The following B3GNT2 variants were observed in gnomAD, a reference collection of about 807,000 sequenced individuals.
The protein encoded by B3GNT2 is N-acetyllactosaminide beta-1,3-N-acetylglucosaminyltransferase 2.
B3GNT2 carries 12 observed loss-of-function variants against 27.6 expected under a neutral mutation model. The observed-to-expected ratio is 0.44, with a 90% CI of 0.28 to 0.71. The LOEUF is 0.71. Among genes scored for constraint, B3GNT2 ranks in the 30% least tolerant of loss-of-function variants. The pLI, the probability that B3GNT2 is intolerant of heterozygous loss-of-function variation, is 0.17. For missense variants in B3GNT2, 413 were observed against 488.5 expected (o/e 0.85, Z 1.46); for synonymous variants, 192 against 189.7 (o/e 1.01, Z -0.10).
intron 1 of B3GNT2, among the ~76,000 whole-genome samples, chr2:62,212,218 G>A (rs957843576): frequency 6.6e-6 from 1 of 152,154 alleles, no homozygotes; most frequent in East Asian, 1.9e-4. Context: ...GCATGCGCAT[G>A]CTTTTCCTGC....
chr2:62,218,953 T>G (rs1674629223), intron 1 of B3GNT2, among the ~76,000 whole-genome samples: 1 of 152,206 alleles, frequency 6.6e-6, no homozygotes, highest in African/African-American at 2.4e-5. Flanking sequence ...GCAGATGAAG[T>G]TGGAAATCTT....
At chr2:62,213,588 T>G (rs72893865) in intron 1 of B3GNT2, among the ~76,000 whole-genome samples, 41 of 152,234 alleles carry the variant, frequency 2.7e-4, no homozygotes, top group African/African-American at 8.7e-4. Flanking sequence ...GGTCTGGGGC[T>G]GACTGTGGGA....
chr2:62,196,571 C>T (rs1270871950), intron 1 of B3GNT2, among the ~76,000 whole-genome samples: 1 of 152,250 alleles, frequency 6.6e-6, no homozygotes, highest in Non-Finnish European at 1.5e-5. Context: ...TTAAGCCTCC[C>T]TTACCTTCCC....
At chr2:62,208,645 G>A (rs1021304823) in intron 1 of B3GNT2, among the ~76,000 whole-genome samples, 3 of 152,042 alleles carry the variant, frequency 2.0e-5, no homozygotes, top group Non-Finnish European at 4.4e-5. Context: ...TGGGGAGGGG[G>A]GTGTGTGTGA....
At chr2:62,196,590 A>G (rs938628373) in intron 1 of B3GNT2, among the ~76,000 whole-genome samples, 4 of 152,154 alleles carry the variant, frequency 2.6e-5, no homozygotes, top group Non-Finnish European at 4.4e-5. Flanking sequence ...CCGCCGTCCC[A>G]GCCACCCAAC....
chr2:62,198,483 C>T (rs1043344391), intron 1 of B3GNT2, among the ~76,000 whole-genome samples: 1 of 152,214 alleles, frequency 6.6e-6, no homozygotes, highest in Non-Finnish European at 1.5e-5. Context: ...AACAGTAACC[C>T]TGTGGTAGCC....
At chr2:62,213,684 C>T (rs1463404192) in intron 1 of B3GNT2, among the ~76,000 whole-genome samples, 1 of 152,192 alleles carries the variant, frequency 6.6e-6, no homozygotes, top group African/African-American at 2.4e-5. Context: ...GTCAGCACTG[C>T]TGAAATTCTT....
At chr2:62,215,346 C>T (rs913338039) in intron 1 of B3GNT2, among the ~76,000 whole-genome samples, 6 of 152,156 alleles carry the variant, frequency 3.9e-5, no homozygotes, top group Admixed American at 6.5e-5. Flanking sequence ...TGAGGGAGTC[C>T]AGGGAGTCCT....
At chr2:62,216,239 T>C (rs749881531) in intron 1 of B3GNT2, among the ~76,000 whole-genome samples, 3 of 152,080 alleles carry the variant, frequency 2.0e-5, no homozygotes, top group South Asian at 4.2e-4. Context: ...GAGTGAAACG[T>C]TGGAATTGTT....
intron 1 of B3GNT2, among the ~76,000 whole-genome samples, chr2:62,220,970 C>T (rs1674679891): frequency 6.6e-6 from 1 of 152,070 alleles, no homozygotes; most frequent in East Asian, 1.9e-4. Flanking sequence ...TTGTATTTCC[C>T]TTTTTGCTAC....
At chr2:62,212,683 C>T (rs557377593) in intron 1 of B3GNT2, among the ~76,000 whole-genome samples, 1 of 151,970 alleles carries the variant, frequency 6.6e-6, no homozygotes, top group East Asian at 1.9e-4. Flanking sequence ...GCCATCTATA[C>T]TTTCTTCAAC....
chr2:62,221,411 TC>T (rs1327990220), intron 1 of B3GNT2, among the ~76,000 whole-genome samples: 2 of 152,198 alleles, frequency 1.3e-5, no homozygotes, highest in African/African-American at 4.8e-5. Flanking sequence ...GTCTCCTGCT[TC>T]CTAGCCCTGC....
intron 1 of B3GNT2, among the ~76,000 whole-genome samples, chr2:62,202,115 G>C (rs147048867): frequency 6.6e-6 from 1 of 152,222 alleles, no homozygotes; most frequent in South Asian, 2.1e-4. Context: ...GACCAAACAC[G>C]CATTGATTGA....
chr2:62,222,999 A>C lies in B3GNT2; in HGVS notation c.779A>C (p.Asn260Thr). 1.2e-6 allele frequency: 2 copies of C among 1,614,244 alleles called. No individual in the cohort carries two copies. The highest frequency in any genetic ancestry group is 1.7e-6 in the Non-Finnish European group (2 of 1,180,038). The part of the protein sequence containing the change: ...VNTHHILNYL[N>T]SLSKTKAKDL... ...ACCCATCACATCCTGAATTACTTGA[A>C]TAGTTTATCCAAGACCAAAGCCAAA... is the stretch of plus-strand genomic sequence containing the variant. The change falls in exon 2 of 2, where the codon AAT becomes ACT. Residue 260 changes from asparagine to threonine, a missense_variant. Coordinates refer to ENST00000301998, the MANE Select transcript of B3GNT2 (RefSeq NM_006577.6). This position sits in a 1 kb window ranked among gnomAD's most constrained non-coding sequence, Gnocchi z 4.2.
intron 1 of B3GNT2, among the ~76,000 whole-genome samples, chr2:62,212,235 A>G (rs989323323): frequency 2.6e-5 from 4 of 152,042 alleles, no homozygotes; most frequent in Non-Finnish European, 4.4e-5. Context: ...CTGCACTCCT[A>G]TATTCCTGCA....
At position 62,222,393 on chromosome 2, in the gene B3GNT2, A is replaced by G; in HGVS notation, c.173A>G (p.Tyr58Cys). ...FWKISTPPEA[Y>C]WNREQEKLNR... is the part of the protein sequence containing the mutation. Reference sequence around the variant, plus strand: ...AAGATATCTACCCCTCCCGAGGCATACTGGAACCGAGAGCAAGAGAAGCTG... The same window carrying G: ...AAGATATCTACCCCTCCCGAGGCATGCTGGAACCGAGAGCAAGAGAAGCTG... The change falls in exon 2 of 2, where the codon TAC becomes TGC. Residue 58 changes from tyrosine (Y) to cysteine (C), a missense_variant. By Grantham distance (194) the Tyr-to-Cys change is radical (BLOSUM62 -2). Coordinates refer to ENST00000301998, the MANE Select transcript of B3GNT2 (RefSeq NM_006577.6). This position sits in a 1 kb window ranked among gnomAD's most constrained non-coding sequence, Gnocchi z 4.2. 1.2e-6 allele frequency: 2 copies of G among 1,614,142 alleles called. No homozygotes were observed. The highest frequency in any genetic ancestry group is 1.7e-6 in the Non-Finnish European group (2 of 1,180,008).
intron 1 of B3GNT2, among the ~76,000 whole-genome samples, chr2:62,200,199 A>G (rs1327818518): frequency 6.6e-6 from 1 of 152,184 alleles, no homozygotes; most frequent in Non-Finnish European, 1.5e-5. Context: ...GAGAGTCATA[A>G]CATGTATCTT....
Position 62,213,552 on chromosome 2 carries a change from A to G in B3GNT2, c.-9-8660A>G, listed in dbSNP as rs558798979. 4.6e-5 allele frequency among the ~76,000 whole-genome samples: 7 copies of G among 152,270 alleles called. No individual in the cohort carries two copies. In the East Asian group the frequency reaches 1.4e-3, roughly 29 times the overall value. On this transcript the variant is annotated intron_variant, in intron 1 of 1. Transcript: ENST00000301998. ...GCACTGCTCAATCCCACACACCTGC[A>G]CACCCATGAGTCTGCTGCCTTTGGT...
chr2:62,205,293 G>A (rs1674351798), intron 1 of B3GNT2, among the ~76,000 whole-genome samples: 1 of 152,190 alleles, frequency 6.6e-6, no homozygotes, highest in Non-Finnish European at 1.5e-5. Flanking sequence ...ACTTTTCTTG[G>A]CGGGTGGCCG....
Sources: gnomAD v4.1 joint callset for allele counts (sites outside exome capture counted in the v4.1 genomes callset) on GRCh38, gnomAD v4.1.1 for gene constraint, Gnocchi (gnomAD v3.1) non-coding constraint, MANE v1.5 for transcripts, NCBI Gene and HGNC (gene_info 2026-07-23, HGNC 2026-07-21) for gene names.